FGF7: variants seen among roughly 807,000 people sequenced by gnomAD.
FGF7 encodes the protein FGF-7.
A neutral mutation model predicts 20.5 loss-of-function variants in FGF7; 6 were observed. That is an observed-to-expected ratio of 0.29 (90% CI 0.16 to 0.58). The LOEUF (loss-of-function observed/expected upper bound fraction) is 0.58, where lower values mean the gene tolerates loss of function less well. Among genes scored for constraint, FGF7 ranks in the 20% least tolerant of loss-of-function variants. The pLI, the probability that FGF7 is intolerant of heterozygous loss-of-function variation, is 0.90. For missense variants in FGF7, 144 were observed against 228.8 expected (o/e 0.63, Z 2.39); for synonymous variants, 64 against 74.7 (o/e 0.86, Z 0.74).
intron 2 of FGF7, among the ~76,000 whole-genome samples, chr15:49,437,177 T>C (rs1444319844): frequency 6.6e-6 from 1 of 151,600 alleles, no homozygotes; most frequent in Non-Finnish European, 1.5e-5. Context: ...ATATTATATA[T>C]TAAATTGTAT....
At chr15:49,432,802 C>T (rs1225818665) in intron 2 of FGF7, among the ~76,000 whole-genome samples, 1 of 151,386 alleles carries the variant, frequency 6.6e-6, no homozygotes, top group Non-Finnish European at 1.5e-5. Context: ...GGGATTTAAG[C>T]CTAATTTAAA....
chr15:49,461,631 C>G (rs2053808852), intron 2 of FGF7, among the ~76,000 whole-genome samples: 1 of 152,158 alleles, frequency 6.6e-6, no homozygotes, highest in Non-Finnish European at 1.5e-5. Context: ...AAGTTGTACA[C>G]TATGTATTCA....
chr15:49,466,777 G>T (rs2054302216), intron 2 of FGF7, among the ~76,000 whole-genome samples: 1 of 152,050 alleles, frequency 6.6e-6, no homozygotes. Context: ...AAGAGCTTGG[G>T]GGTCTTTAAC....
At position 49,486,489 on chromosome 15, in the gene FGF7, A is replaced by G. The variant is rs949290653; in HGVS notation, c.*1985A>G. 2.6e-5 allele frequency: 4 copies of G among 152,018 alleles called. No individual in the cohort carries two copies. Among genetic ancestry groups the G allele is most frequent in the African/African-American group, 9.7e-5 (4 of 41,422 alleles). 9.4% of individuals were successfully genotyped at this position (152,018 alleles called of 1,614,324 possible). A position where few individuals can be genotyped will look rare whatever the true frequency, so the allele number is the denominator to read the frequency against. Reference sequence around the variant, plus strand: ...TTAGTGCCTAGCAGACTATCTGTTCATAATCAGTTTTCAGTGTGAATTCAC... The same window carrying G: ...TTAGTGCCTAGCAGACTATCTGTTCGTAATCAGTTTTCAGTGTGAATTCAC... On this transcript the variant is annotated 3_prime_UTR_variant, in exon 4 of 4. Transcript: ENST00000267843.
chr15:49,465,431 C>T (rs1300941808), intron 2 of FGF7, among the ~76,000 whole-genome samples: 3 of 151,894 alleles, frequency 2.0e-5, no homozygotes, highest in Non-Finnish European at 4.4e-5. Flanking sequence ...CCACCATGCC[C>T]GGCCTACTTC....
At chr15:49,456,403 T>A (rs1182583044) in intron 2 of FGF7, among the ~76,000 whole-genome samples, 1 of 152,120 alleles carries the variant, frequency 6.6e-6, no homozygotes, top group East Asian at 1.9e-4. Flanking sequence ...TAAAATTTCT[T>A]GACAGGGTTA....
intron 2 of FGF7, among the ~76,000 whole-genome samples, chr15:49,476,912 T>C (rs1340277287): frequency 2.0e-5 from 3 of 151,618 alleles, no homozygotes; most frequent in East Asian, 3.9e-4. Flanking sequence ...ACAAAAAAAT[T>C]AGCCGGGCGT....
At chr15:49,463,123 T>C (rs1489570939) in intron 2 of FGF7, among the ~76,000 whole-genome samples, 1 of 152,136 alleles carries the variant, frequency 6.6e-6, no homozygotes, top group South Asian at 2.1e-4. Context: ...TGCCCTGGAG[T>C]AGGCCTCCAT....
At chr15:49,482,783 T>C (rs1350317266) in intron 2 of FGF7, among the ~76,000 whole-genome samples, 2 of 152,072 alleles carry the variant, frequency 1.3e-5, no homozygotes, top group African/African-American at 4.8e-5. Flanking sequence ...AATGAGTTAA[T>C]ACATAAGAGC....
chr15:49,457,408 A>C (rs761302499), intron 2 of FGF7, among the ~76,000 whole-genome samples: 32 of 152,060 alleles, frequency 2.1e-4, no homozygotes, highest in Admixed American at 4.6e-4. Flanking sequence ...CAAATTTCAA[A>C]GCTGAATGGT....
intron 2 of FGF7, among the ~76,000 whole-genome samples, chr15:49,461,794 G>A (rs1031239810): frequency 4.6e-5 from 7 of 152,148 alleles, no homozygotes; most frequent in African/African-American, 1.4e-4. Flanking sequence ...TTATGGTACT[G>A]ATTTAATTTC....
chr15:49,469,990 G>C (rs2054590970), intron 2 of FGF7, among the ~76,000 whole-genome samples: 1 of 152,052 alleles, frequency 6.6e-6, no homozygotes. Context: ...TTCATTAGAG[G>C]ATGGCATTAA....
rs186124888 is a variant in FGF7 at position 49,454,885 on chromosome 15, A to G, written c.287-28266A>G. 7.0e-3 allele frequency among the ~76,000 whole-genome samples: 1,070 copies of G among 152,300 alleles called. 10 individuals are homozygous for G. Among genetic ancestry groups the G allele is most frequent in the Middle Eastern group, 0.024 (7 of 294 alleles). On this transcript the variant is annotated intron_variant, in intron 2 of 3. Transcript: ENST00000267843. ...CGGCCTCCCAAAGTGCTGGGATTAC[A>G]GGTGTGAGCCACTGGACCCAGCCAT...
chr15:49,424,543 A>G lies in FGF7; in HGVS notation c.246A>G (p.Arg82=). 1 of 1,606,454 alleles carries G rather than the reference A, an allele frequency of 6.2e-7. No homozygotes were observed. Among genetic ancestry groups the G allele is most frequent in the Non-Finnish European group, 8.5e-7 (1 of 1,175,012 alleles). ...RTQWYLRIDK[R]GKVKGTQEMK... ...AGTGGTACCTGAGGATCGATAAAAGAGGCAAAGTAAAAGGGACCCAAGAGA... is the reference window on the plus strand; with the variant it reads ...AGTGGTACCTGAGGATCGATAAAAGGGGCAAAGTAAAAGGGACCCAAGAGA... The change falls in exon 2 of 4, where the codon AGA becomes AGG. Residue 82 remains arginine (R), a synonymous_variant. Coordinates refer to ENST00000267843, the MANE Select transcript of FGF7 (RefSeq NM_002009.4).
At chr15:49,479,863 G>A (rs2055761974) in intron 2 of FGF7, among the ~76,000 whole-genome samples, 1 of 151,902 alleles carries the variant, frequency 6.6e-6, no homozygotes, top group Non-Finnish European at 1.5e-5. Context: ...ATCCACCCGC[G>A]TTGGCCTCCC....
intron 2 of FGF7, among the ~76,000 whole-genome samples, chr15:49,480,784 T>C (rs377410158): frequency 2.6e-5 from 4 of 152,046 alleles, no homozygotes; most frequent in African/African-American, 9.6e-5. Flanking sequence ...CATCCAGCCA[T>C]CCCCTTTGTA....
chr15:49,433,958 T>C (rs2050852794), intron 2 of FGF7, among the ~76,000 whole-genome samples: 2 of 151,728 alleles, frequency 1.3e-5, no homozygotes, highest in South Asian at 4.1e-4. Flanking sequence ...ACTGATAATT[T>C]TGGGGCAGGG....
At chr15:49,464,062 C>A (rs995724405) in intron 2 of FGF7, among the ~76,000 whole-genome samples, 3 of 152,146 alleles carry the variant, frequency 2.0e-5, no homozygotes, top group Admixed American at 6.5e-5. Context: ...TCCCCAAACA[C>A]CTGCTGTATG....
In FGF7 at chr15:49,424,481, G is replaced by A; in HGVS notation, c.184G>A (p.Gly62Arg). Residue 62 changes from glycine (G) to arginine (R), a missense_variant, in exon 2 of 4, where the codon GGG becomes AGG. Coordinates refer to ENST00000267843, the MANE Select transcript of FGF7 (RefSeq NM_002009.4). ...AAGAAGTTATGATTACATGGAAGGA[G>A]GGGATATAAGAGTGAGAAGACTCTT... is the stretch of plus-strand genomic sequence containing the variant. ...HTRSYDYMEG[G>R]DIRVRRLFCR... 1.2e-6 allele frequency: 2 copies of A among 1,613,586 alleles called. No homozygotes were observed. The highest frequency in any genetic ancestry group is 8.5e-7 in the Non-Finnish European group (1 of 1,179,654).
Sources: gnomAD v4.1 joint callset for allele counts (sites outside exome capture counted in the v4.1 genomes callset) on GRCh38, gnomAD v4.1.1 for gene constraint, MANE v1.5 for transcripts, NCBI Gene and HGNC (gene_info 2026-07-23, HGNC 2026-07-21) for gene names.